Variants in SCFD2 observed in about 807,000 individuals in gnomAD.
The protein encoded by SCFD2 is sec1 family domain containing 2.
Under a neutral mutation model 58.9 loss-of-function variants are expected in SCFD2, and 54 were observed. That is an observed-to-expected ratio of 0.92 (90% confidence interval 0.74 to 1.15). The LOEUF is 1.15. Ranked by LOEUF, SCFD2 falls within the 50% of genes most tolerant of loss-of-function variation. The pLI is 0.00. For synonymous variants in SCFD2, 321 were observed against 335.9 expected (o/e 0.96, Z 0.49); for missense variants, 805 against 836.6 (o/e 0.96, Z 0.47).
chr4:53,238,445 A>C (rs1360800843), intron 4 of SCFD2, among the ~76,000 whole-genome samples: 1 of 96,128 alleles, frequency 1.0e-5, no homozygotes, highest in African/African-American at 4.0e-5. Context: ...CTGGCCGGGC[A>C]GGGGGCTGAC....
chr4:53,107,821 A>G (rs1725050205), intron 5 of SCFD2, among the ~76,000 whole-genome samples: 1 of 152,234 alleles, frequency 6.6e-6, no homozygotes, highest in South Asian at 2.1e-4. Flanking sequence ...GATGAATGAG[A>G]CAGAAAATTA....
intron 8 of SCFD2, among the ~76,000 whole-genome samples, chr4:52,875,455 A>AG (rs397794370): frequency 3.7e-4 from 1 of 2,708 alleles, no homozygotes; most frequent in East Asian, 0.083. Flanking sequence ...CACAGCCCAC[A>AG]TCCCTTGGAA....
At chr4:53,091,830 A>C (rs945175013) in intron 5 of SCFD2, among the ~76,000 whole-genome samples, 23 of 152,006 alleles carry the variant, frequency 1.5e-4, no homozygotes, top group African/African-American at 4.3e-4. Flanking sequence ...ACTATTAGAC[A>C]CTCTAGATCA....
At chr4:53,119,568 T>A (rs1047120162) in intron 5 of SCFD2, among the ~76,000 whole-genome samples, 1 of 152,162 alleles carries the variant, frequency 6.6e-6, no homozygotes, top group African/African-American at 2.4e-5. Flanking sequence ...AAAGCCAGCT[T>A]AAAACTCCTG....
intron 4 of SCFD2, among the ~76,000 whole-genome samples, chr4:53,162,873 A>T (rs1184619863): frequency 5.3e-5 from 8 of 151,692 alleles, no homozygotes; most frequent in Admixed American, 2.0e-4. Context: ...AATAAAATAA[A>T]AAATAAATAA....
rs1268071059 is a variant in SCFD2 at position 53,253,931 on chromosome 4, T to C, written c.1311+19895A>G. 3.3e-5 allele frequency among the ~76,000 whole-genome samples: 5 copies of C among 149,702 alleles called. No homozygotes were observed. In the East Asian group the frequency reaches 9.8e-4, roughly 29 times the overall value. On this transcript the variant is annotated intron_variant, in intron 4 of 8. Coordinates refer to ENST00000401642, the MANE Select transcript of SCFD2 (RefSeq NM_152540.4). ...ATAACAAAGTCAAAAAAAAAAATCA[T>C]GTCCTTTGCAGGAACATGGATGGAG...
At chr4:53,109,507 C>G (rs924843506) in intron 5 of SCFD2, among the ~76,000 whole-genome samples, 1 of 152,028 alleles carries the variant, frequency 6.6e-6, no homozygotes, top group Non-Finnish European at 1.5e-5. Context: ...AGCTGATAAG[C>G]AACTTCAGCA....
intron 4 of SCFD2, among the ~76,000 whole-genome samples, chr4:53,238,507 C>T (rs1729762965): frequency 6.6e-6 from 1 of 152,044 alleles, no homozygotes; most frequent in Admixed American, 6.5e-5. Context: ...GGCTGACCCC[C>T]CCACCTCCCT....
In SCFD2 at chr4:53,185,697, T is replaced by G. The variant is rs538957276; in HGVS notation, c.1312-40115A>C. On this transcript the variant is annotated intron_variant, in intron 4 of 8. Coordinates refer to ENST00000401642, the MANE Select transcript of SCFD2 (RefSeq NM_152540.4). ...TACCCATAACATATATATCACTGTTTGAAGATATTTAAATTTAACTGTGAT... is the reference window on the plus strand; with the variant it reads ...TACCCATAACATATATATCACTGTTGGAAGATATTTAAATTTAACTGTGAT... Among the ~76,000 whole-genome samples, 5 of 152,244 alleles carry G rather than the reference T, an allele frequency of 3.3e-5. No homozygotes were observed. In the East Asian group the frequency reaches 7.7e-4, roughly 23 times the overall value.
chr4:53,215,092 C>T (rs1031007591), intron 4 of SCFD2, among the ~76,000 whole-genome samples: 4 of 152,088 alleles, frequency 2.6e-5, no homozygotes, highest in African/African-American at 9.7e-5. Flanking sequence ...AGCTTGATGC[C>T]TCAAGCTTTA....
chr4:52,912,217 A>G (rs301135), intron 6 of SCFD2, among the ~76,000 whole-genome samples: 20,508 of 152,142 alleles, frequency 0.13, 1,877 homozygotes, highest in African/African-American at 0.25. Flanking sequence ...AACATTATAA[A>G]AATTTATTCT....
intron 5 of SCFD2, among the ~76,000 whole-genome samples, chr4:53,099,505 C>T (rs1724767547): frequency 6.6e-6 from 1 of 152,148 alleles, no homozygotes; most frequent in African/African-American, 2.4e-5. Context: ...CAAGGTTCTG[C>T]AGGTTGTACA....
chr4:53,255,957 C>G (rs1730603037), intron 4 of SCFD2, among the ~76,000 whole-genome samples: 2 of 147,902 alleles, frequency 1.4e-5, no homozygotes, highest in South Asian at 4.3e-4. Context: ...GGGTGGCTGG[C>G]CGGGTGGGGG....
intron 2 of SCFD2, among the ~76,000 whole-genome samples, chr4:53,320,020 G>A (rs1732980531): frequency 6.6e-6 from 1 of 152,172 alleles, no homozygotes; most frequent in African/African-American, 2.4e-5. Flanking sequence ...TATTACTAAT[G>A]TTATAATTTT....
intron 5 of SCFD2, among the ~76,000 whole-genome samples, chr4:52,954,546 T>A (rs148797246): frequency 6.6e-6 from 1 of 152,210 alleles, no homozygotes; most frequent in African/African-American, 2.4e-5. Flanking sequence ...CAAAAATGGC[T>A]GAAAAGCAGG....
At chr4:52,974,271 C>T (rs1470221482) in intron 5 of SCFD2, among the ~76,000 whole-genome samples, 1 of 152,064 alleles carries the variant, frequency 6.6e-6, no homozygotes, top group East Asian at 1.9e-4. Context: ...CTAGAAAACC[C>T]CATCGTCTCA....
intron 5 of SCFD2, among the ~76,000 whole-genome samples, chr4:53,097,011 G>C (rs1056232804): frequency 6.6e-6 from 1 of 152,204 alleles, no homozygotes; most frequent in African/African-American, 2.4e-5. Flanking sequence ...GTTTGTCAAA[G>C]ATCAGATGGT....
intron 7 of SCFD2, among the ~76,000 whole-genome samples, chr4:52,900,677 G>A (rs991454696): frequency 6.6e-6 from 1 of 152,226 alleles, no homozygotes; most frequent in Non-Finnish European, 1.5e-5. Flanking sequence ...CTGTCAGACA[G>A]GGACATTTAA....
intron 5 of SCFD2, among the ~76,000 whole-genome samples, chr4:53,098,776 TTAA>T (rs1560334754): frequency 6.6e-6 from 1 of 152,094 alleles, no homozygotes; most frequent in African/African-American, 2.4e-5. Flanking sequence ...TCTGACTCCC[TTAA>T]TGACTATATG....
Sources: allele counts gnomAD v4.1 joint callset (sites outside exome capture counted in the v4.1 genomes callset), GRCh38; gene constraint gnomAD v4.1.1; transcripts MANE v1.5; gene names NCBI Gene and HGNC (gene_info 2026-07-23, HGNC 2026-07-21).